Variants in NOTCH2 observed in about 807,000 individuals in gnomAD.
NOTCH2 encodes neurogenic locus notch homolog protein 2.
A neutral mutation model predicts 235.8 loss-of-function variants in NOTCH2; 29 were observed. The ratio of observed to expected loss-of-function variants is 0.12; its 90% confidence interval spans 0.09 to 0.17. NOTCH2 has a LOEUF of 0.17. Among genes scored for constraint, NOTCH2 ranks in the 10% least tolerant of loss-of-function variants. The pLI is 1.00. For synonymous variants in NOTCH2, 1,086 were observed against 1,141.5 expected (o/e 0.95, Z 0.98); for missense variants, 2,285 against 3,150.2 (o/e 0.73, Z 6.57).
intron 1 of NOTCH2, among the ~76,000 whole-genome samples, chr1:120,037,191 G>A (rs1472981118): frequency 6.6e-6 from 1 of 151,932 alleles, no homozygotes; most frequent in Non-Finnish European, 1.5e-5. Context: ...GTATTTTAAC[G>A]TCTTGACTGT....
intron 1 of NOTCH2, among the ~76,000 whole-genome samples, chr1:120,063,562 AC>A (rs1480565701): frequency 2.6e-5 from 4 of 152,238 alleles, no homozygotes; most frequent in African/African-American, 9.6e-5. Context: ...AAACAACTTT[AC>A]TAACCTTATA....
At position 119,916,571 on chromosome 1, in the gene NOTCH2, G is replaced by A. The variant is rs1479580345; in HGVS notation, c.6151C>T (p.Arg2051Trp). 6 of 1,614,098 alleles carry A rather than the reference G, an allele frequency of 3.7e-6. No homozygotes were observed. The highest frequency in any genetic ancestry group is 1.7e-5 in the Admixed American group (1 of 60,022). ...ACAATGTCATGGTGCATGCGATCCC[G>A]AGCCACATCCCGGGGAAGACGATCC... ...HMDRLPRDVA[R>W]DRMHHDIVRL... is the part of the protein sequence containing the mutation. Residue 2051 changes from arginine (R) to tryptophan (W), a missense_variant, in exon 34 of 34, where the codon CGG becomes TGG. Arg to Trp is a moderately radical substitution (Grantham distance 101, BLOSUM62 -3). This residue lies in a region of NOTCH2 where 128 missense variants were observed against 255.9 expected (regional missense o/e 0.50). Coordinates refer to ENST00000256646, the MANE Select transcript of NOTCH2 (RefSeq NM_024408.4).
chr1:119,998,036 C>T (rs1242587618), intron 3 of NOTCH2, among the ~76,000 whole-genome samples: 1 of 146,232 alleles, frequency 6.8e-6, no homozygotes, highest in East Asian at 2.0e-4. Flanking sequence ...CCTATCTTGG[C>T]AACTGTACTC....
chr1:119,968,256 C>T (rs201705868), intron 6 of NOTCH2, 24 bp from the exon 7 acceptor site: 247 of 1,611,982 alleles, frequency 1.5e-4, no homozygotes, highest in Admixed American at 5.0e-5. Flanking sequence ...GGGCAAAGGA[C>T]AACTAAGAGA....
intron 26 of NOTCH2, 98 bp from the exon 27 acceptor site, chr1:119,922,876 C>T: frequency 6.9e-7 from 1 of 1,445,950 alleles, no homozygotes. Context: ...ACAGGAGCCT[C>T]CCTTCCTCCC....
chr1:119,924,796 T>C (rs1649415593), intron 25 of NOTCH2, among the ~76,000 whole-genome samples: 1 of 152,214 alleles, frequency 6.6e-6, no homozygotes, highest in Non-Finnish European at 1.5e-5. Context: ...TGAGAATTAA[T>C]TGGGATTAAA....
At position 120,002,011 on chromosome 1, in the gene NOTCH2, T is replaced by C. The variant is rs587663836; in HGVS notation, c.415+3318A>G. ...GTGTATGCTCTGAATCAGCGTCCAA[T>C]ATGTGGTACTGCTTCTCCCATAGCC... On this transcript the variant is annotated intron_variant, in intron 3 of 33. Transcript: ENST00000256646. Among the ~76,000 whole-genome samples the C allele has an allele frequency of 2.6e-5, 4 of 152,244 alleles. No individual in the cohort carries two copies. The East Asian group carries it at 7.7e-4, about 29-fold the overall frequency.
intron 2 of NOTCH2, among the ~76,000 whole-genome samples, chr1:120,014,928 T>C (rs1348450669): frequency 2.1e-5 from 3 of 140,198 alleles, no homozygotes; most frequent in Admixed American, 7.2e-5. Flanking sequence ...CTCCACCGAA[T>C]GTTCTGTATC....
chr1:120,000,627 C>T (rs1553205180), intron 3 of NOTCH2, among the ~76,000 whole-genome samples: 2 of 147,904 alleles, frequency 1.4e-5, no homozygotes, highest in African/African-American at 5.1e-5. Flanking sequence ...TAATTTGGGA[C>T]CATTTCAGAG....
rs1649327071 is a variant in NOTCH2, at chr1:119,922,661, C to T, written c.4977G>A (p.Leu1659=). ...TGACGACAGACACAAGAGGGTATGA[C>T]AGGGTCCCCTGTATGGCGTGAGAGG... The part of the protein sequence containing the change: ...LLASHAIQGT[L]SYPLVSVVSE... Residue 1659 remains leucine, a synonymous_variant, in exon 27 of 34, where the codon CTG becomes CTA. Transcript: ENST00000256646. 2 of 1,614,060 alleles carry T rather than the reference C, an allele frequency of 1.2e-6. No homozygotes were observed. Among genetic ancestry groups the T allele is most frequent in the South Asian group, 1.1e-5 (1 of 91,092 alleles).
intron 6 of NOTCH2, 91 bp from the exon 7 acceptor site, chr1:119,968,323 G>A: frequency 7.6e-7 from 1 of 1,322,244 alleles, no homozygotes; most frequent in Non-Finnish European, 1.1e-6. Flanking sequence ...AAAACCTCAT[G>A]ATCAGTTCCT....
At chr1:119,925,839 G>C (rs751388978) in intron 24 of NOTCH2, 29 bp from the exon 25 acceptor site, 2 of 1,613,032 alleles carry the variant, frequency 1.2e-6, no homozygotes, top group Non-Finnish European at 1.7e-6. Context: ...AAATAAAAAT[G>C]GCATTGGTAG....
intron 23 of NOTCH2, among the ~76,000 whole-genome samples, chr1:119,928,687 T>C (rs1649553751): frequency 6.6e-6 from 1 of 152,202 alleles, no homozygotes; most frequent in Admixed American, 6.5e-5. Context: ...TTAAAAAATG[T>C]TATTTTGTTC....
chr1:119,963,883 T>A (rs1280348482), intron 10 of NOTCH2, 76 bp from the exon 11 acceptor site: 1 of 1,222,782 alleles, frequency 8.2e-7, no homozygotes, highest in East Asian at 2.3e-5. Context: ...TGTAGCTACA[T>A]CCATTTACTC....
intron 1 of NOTCH2, among the ~76,000 whole-genome samples, chr1:120,067,321 C>T (rs1457479783): frequency 6.7e-6 from 1 of 149,252 alleles, no homozygotes; most frequent in African/African-American, 2.5e-5. Flanking sequence ...AAATCCTATC[C>T]TTTGAGTCAA....
At chr1:119,950,010 A>G (rs1289659468) in intron 15 of NOTCH2, 1 of 160,968 alleles carries the variant, frequency 6.2e-6, no homozygotes, top group Non-Finnish European at 1.4e-5. Flanking sequence ...CAAAGAATAA[A>G]TGTCCCAAGC....
At position 119,969,586 on chromosome 1, in the gene NOTCH2, C is replaced by T. The variant is rs782154624; in HGVS notation, c.1033G>A (p.Ala345Thr). The T allele has an allele frequency of 6.2e-6, 10 of 1,613,990 alleles. No individual in the cohort carries two copies. Among genetic ancestry groups the T allele is most frequent in the Admixed American group, 1.7e-5 (1 of 60,012 alleles). ...CSENIDDCAF[A>T]SCTPGSTCID... ...CAGGTGGAGCCTGGAGTACAGGAGGCGAAGGCACAATCATCAATGTTCTCA... is the reference window on the plus strand; with the variant it reads ...CAGGTGGAGCCTGGAGTACAGGAGGTGAAGGCACAATCATCAATGTTCTCA... Residue 345 changes from alanine (A) to threonine (T), a missense_variant, in exon 6 of 34, where the codon GCC becomes ACC. This residue lies in a region of NOTCH2 where 431 missense variants were observed against 757.8 expected (regional missense o/e 0.57). Coordinates refer to ENST00000256646, the MANE Select transcript of NOTCH2 (RefSeq NM_024408.4).
chr1:120,041,071 A>AAAAAAT (rs1557859547), intron 1 of NOTCH2, among the ~76,000 whole-genome samples: 5 of 77,308 alleles, frequency 6.5e-5, no homozygotes, highest in East Asian at 3.3e-4. Context: ...AAAAAAAAAA[A>AAAAAAT]ATATATATAT....
chr1:119,950,589 A>G, intron 15 of NOTCH2, 135 bp downstream of exon 15: 1 of 733,008 alleles, frequency 1.4e-6, no homozygotes, highest in Non-Finnish European at 2.5e-6. Context: ...CAGTCAGTAA[A>G]GGCAGGAAGG....
Sources: allele counts gnomAD v4.1 joint callset (sites outside exome capture counted in the v4.1 genomes callset), GRCh38; gene constraint gnomAD v4.1.1; regional missense constraint gnomAD v4.1.1; transcripts MANE v1.5; gene names NCBI Gene and HGNC (gene_info 2026-07-23, HGNC 2026-07-21).